The following GPM6A variants were observed in gnomAD, a reference collection of about 807,000 sequenced individuals.
The protein encoded by GPM6A is neuronal membrane glycoprotein M6-a.
A neutral mutation model predicts 32.1 loss-of-function variants in GPM6A; 7 were observed. That is an observed-to-expected ratio of 0.22 (90% CI 0.12 to 0.41). The LOEUF (loss-of-function observed/expected upper bound fraction) is 0.41, where lower values mean the gene tolerates loss of function less well. Among genes scored for constraint, GPM6A ranks in the 10% least tolerant of loss-of-function variants. The probability of loss-of-function intolerance (pLI) is 1.00; values close to 1 mark genes in which losing one functional copy is unlikely to be tolerated. For synonymous variants in GPM6A, 130 were observed against 123.4 expected (o/e 1.05, Z -0.35); for missense variants, 235 against 347.2 (o/e 0.68, Z 2.57).
At chr4:175,880,229 C>T (rs536473803) in intron 1 of GPM6A, among the ~76,000 whole-genome samples, 15 of 152,250 alleles carry the variant, frequency 9.9e-5, no homozygotes, top group Admixed American at 8.5e-4. Flanking sequence ...GGGCTCTGTT[C>T]TGTTCCATTG....
At chr4:175,831,735 T>TTTTC (rs1440741558) in intron 1 of GPM6A, among the ~76,000 whole-genome samples, 1 of 145,738 alleles carries the variant, frequency 6.9e-6, no homozygotes, top group East Asian at 2.0e-4. Context: ...TTTTTTTTTT[T>TTTTC]TTTGACGGAG....
At chr4:175,993,679 A>C (rs956679170) in intron 1 of GPM6A, among the ~76,000 whole-genome samples, 1 of 152,204 alleles carries the variant, frequency 6.6e-6, no homozygotes, top group African/African-American at 2.4e-5. Context: ...GTCATAGGCA[A>C]ATAGCTTGAT....
At chr4:175,819,814 T>C (rs1384273975) in intron 1 of GPM6A, among the ~76,000 whole-genome samples, 1 of 152,282 alleles carries the variant, frequency 6.6e-6, no homozygotes, top group East Asian at 1.9e-4. Flanking sequence ...ATATTTGTAT[T>C]CATCCAAAAA....
upstream of GPM6A, among the ~76,000 whole-genome samples, chr4:175,817,014 G>T (rs773568572): frequency 2.0e-5 from 3 of 151,894 alleles, no homozygotes; most frequent in Non-Finnish European, 4.4e-5. Context: ...CCGCCACCAC[G>T]CCCGGCTAAT....
At chr4:175,672,630 T>C (rs1444528892) in intron 3 of GPM6A, among the ~76,000 whole-genome samples, 1 of 152,230 alleles carries the variant, frequency 6.6e-6, no homozygotes, top group Non-Finnish European at 1.5e-5. Flanking sequence ...TTTAAATAAT[T>C]TCAATAATAA....
intron 1 of GPM6A, among the ~76,000 whole-genome samples, chr4:175,841,662 C>A (rs1447368572): frequency 6.6e-6 from 1 of 152,016 alleles, no homozygotes; most frequent in Non-Finnish European, 1.5e-5. Context: ...AAAACATTTT[C>A]AATAAAAGGA....
chr4:175,646,992 G>A (rs1741497395), intron 4 of GPM6A, among the ~76,000 whole-genome samples: 1 of 152,214 alleles, frequency 6.6e-6, no homozygotes, highest in African/African-American at 2.4e-5. Context: ...CTGTCTCAGT[G>A]ACTGGCTTTC....
At chr4:175,728,141 G>T (rs1308347761) in intron 1 of GPM6A, among the ~76,000 whole-genome samples, 4 of 151,836 alleles carry the variant, frequency 2.6e-5, no homozygotes, top group African/African-American at 9.7e-5. Flanking sequence ...TCATCATAAG[G>T]TTATAATATT....
chr4:175,871,085 C>T (rs1026418105), intron 1 of GPM6A, among the ~76,000 whole-genome samples: 1 of 151,930 alleles, frequency 6.6e-6, no homozygotes, highest in East Asian at 1.9e-4. Context: ...TATTCTGGTG[C>T]TTCTCCAGTC....
At chr4:175,650,278 ATTTATTTATTTAT>A (rs1325422718) in intron 4 of GPM6A, among the ~76,000 whole-genome samples, 1 of 8,146 alleles carries the variant, frequency 1.2e-4, no homozygotes, top group Non-Finnish European at 1.2e-3. Context: ...TATTTTATTT[ATTTATTTATTTAT>A]TTATTTATTT....
At chr4:175,862,323 C>G (rs1428987684) in intron 1 of GPM6A, among the ~76,000 whole-genome samples, 2 of 152,140 alleles carry the variant, frequency 1.3e-5, no homozygotes, top group African/African-American at 4.8e-5. Context: ...CAAGGGTAAC[C>G]GTCCCTGTCT....
intron 2 of GPM6A, among the ~76,000 whole-genome samples, chr4:175,679,013 A>G (rs1743533869): frequency 1.3e-5 from 2 of 152,150 alleles, no homozygotes; most frequent in South Asian, 2.1e-4. Flanking sequence ...CAGGAAATAT[A>G]TCATTGACAT....
At chr4:175,657,760 C>T (rs917603855) in intron 3 of GPM6A, among the ~76,000 whole-genome samples, 2 of 152,090 alleles carry the variant, frequency 1.3e-5, no homozygotes, top group Non-Finnish European at 2.9e-5. Flanking sequence ...ATATCCCTGG[C>T]CTCTAACCAC....
chr4:175,813,031 T>C (rs997240504), upstream of GPM6A: 4 of 983,994 alleles, frequency 4.1e-6, no homozygotes, highest in Admixed American at 1.8e-4. Context: ...GCCTGAGAGA[T>C]ACATGTTTTA....
At chr4:175,951,177 G>A (rs1385005557) in intron 1 of GPM6A, among the ~76,000 whole-genome samples, 3 of 152,182 alleles carry the variant, frequency 2.0e-5, no homozygotes, top group East Asian at 1.9e-4. Context: ...ACTCCCCATG[G>A]AATGAAAAAC....
chr4:175,721,148 A>AATATATATATATATATAT (rs3032644), intron 1 of GPM6A, among the ~76,000 whole-genome samples: 1,634 of 135,064 alleles, frequency 0.012, 26 homozygotes, highest in South Asian at 0.021. Context: ...TATATATTCT[A>AATATATATATATATATAT]ATATATATAT....
intron 1 of GPM6A, among the ~76,000 whole-genome samples, chr4:175,802,883 A>C (rs556594063): frequency 2.1e-4 from 32 of 152,202 alleles, no homozygotes; most frequent in African/African-American, 7.5e-4. Flanking sequence ...AAAAAAAGAA[A>C]ATCTATTCAT....
chr4:175,877,118 G>T (rs1370847158), intron 1 of GPM6A, among the ~76,000 whole-genome samples: 1 of 152,172 alleles, frequency 6.6e-6, no homozygotes, highest in African/African-American at 2.4e-5. Flanking sequence ...CAGTGGTGAG[G>T]TTCAATAGGG....
chr4:175,885,310 A>G (rs1212616267), intron 1 of GPM6A, among the ~76,000 whole-genome samples: 1 of 152,250 alleles, frequency 6.6e-6, no homozygotes, highest in Non-Finnish European at 1.5e-5. Flanking sequence ...AAAAGGTTCA[A>G]AAACAGACAA....
Sources: allele counts gnomAD v4.1 joint callset (sites outside exome capture counted in the v4.1 genomes callset), GRCh38; gene constraint gnomAD v4.1.1; transcripts MANE v1.5; gene names NCBI Gene and HGNC (gene_info 2026-07-23, HGNC 2026-07-21).